The following FHIT variants were observed in gnomAD, a reference collection of about 807,000 sequenced individuals.
FHIT encodes bis(5'-adenosyl)-triphosphatase.
A neutral mutation model predicts 17.9 loss-of-function variants in FHIT; 19 were observed. The observed-to-expected ratio is 1.06, with a 90% CI of 0.74 to 1.56. FHIT has a LOEUF of 1.56. Among genes scored for constraint, FHIT ranks in the 40% most tolerant of loss-of-function variants. The pLI is 0.00. For missense variants in FHIT, 248 were observed against 189.2 expected (o/e 1.31, Z -1.82); for synonymous variants, 81 against 69.7 (o/e 1.16, Z -0.81).
intron 5 of FHIT, among the ~76,000 whole-genome samples, chr3:60,426,922 T>A (rs540741250): frequency 1.4e-4 from 21 of 152,210 alleles, no homozygotes; most frequent in African/African-American, 4.6e-4. Context: ...CCCTCTTAAG[T>A]ATGGGCAACA....
At chr3:59,975,131 T>C (rs1478993679) in intron 7 of FHIT, among the ~76,000 whole-genome samples, 1 of 152,182 alleles carries the variant, frequency 6.6e-6, no homozygotes, top group Non-Finnish European at 1.5e-5. Flanking sequence ...CCCAAGAAGC[T>C]AGGATACAGG....
rs74844760 is a variant in FHIT at position 60,203,875 on chromosome 3, T to C, written c.104-189723A>G. 3.6e-3 allele frequency among the ~76,000 whole-genome samples: 553 copies of C among 152,016 alleles called. 4 individuals are homozygous for C. The highest frequency in any genetic ancestry group is 0.011 in the African/African-American group (450 of 41,474). On this transcript the variant is annotated intron_variant, in intron 5 of 9. Coordinates refer to ENST00000492590, the MANE Select transcript of FHIT (RefSeq NM_002012.4). Reference sequence around the variant, plus strand: ...AACTTCGCATGTTCTCACTTATTAGTGGGAGCTAAAAATCAGAACAATTGA... The same window carrying C: ...AACTTCGCATGTTCTCACTTATTAGCGGGAGCTAAAAATCAGAACAATTGA...
chr3:60,415,912 A>G (rs1702230427), intron 5 of FHIT, among the ~76,000 whole-genome samples: 1 of 70,414 alleles, frequency 1.4e-5, no homozygotes, highest in Admixed American at 1.5e-4. Context: ...ATAATTATAT[A>G]TAACATATTA....
At chr3:60,769,611 G>A (rs1234119379) in intron 4 of FHIT, among the ~76,000 whole-genome samples, 1 of 152,152 alleles carries the variant, frequency 6.6e-6, no homozygotes. Flanking sequence ...CAAATTTATA[G>A]ACAAAAAAGG....
At position 60,014,102 on chromosome 3, in the gene FHIT, G is replaced by A. The variant is rs781222732; in HGVS notation, c.154C>T (p.Pro52Ser). 1 of 1,614,084 alleles carries A rather than the reference G, an allele frequency of 6.2e-7. No individual in the cohort carries two copies. The highest frequency in any genetic ancestry group is 1.1e-5 in the South Asian group (1 of 91,082). The change falls in exon 6 of 10, where the codon CCT becomes TCT. Residue 52 changes from proline (P) to serine (S), a missense_variant. Physicochemically the swap from Pro to Ser is moderately conservative, Grantham distance 74. Transcript: ENST00000492590. ...TGAAACAAATCGGCCACTTCATCAG[G>A]ACGCAGGTCATGGAAGCGCTCCACT... ...RPVERFHDLR[P>S]DEVADLFQTT... is the part of the protein sequence containing the mutation.
At chr3:60,188,161 G>C (rs549527603) in intron 5 of FHIT, among the ~76,000 whole-genome samples, 46 of 149,136 alleles carry the variant, frequency 3.1e-4, no homozygotes, top group African/African-American at 1.0e-3. Context: ...TTGAATGTCA[G>C]ACTCTAACAG....
intron 2 of FHIT, among the ~76,000 whole-genome samples, chr3:61,192,972 T>C (rs1156252565): frequency 6.6e-6 from 1 of 152,192 alleles, no homozygotes; most frequent in African/African-American, 2.4e-5. Flanking sequence ...CCCTTTCGCA[T>C]CTCAAAAACT....
At chr3:60,857,071 A>T (rs565460204) in intron 3 of FHIT, among the ~76,000 whole-genome samples, 5 of 152,238 alleles carry the variant, frequency 3.3e-5, no homozygotes, top group Middle Eastern at 3.4e-3. Context: ...TGTAAGATCC[A>T]TAAAGGCAAG....
chr3:60,895,657 CCTTCCTTCCTTTCTTTCTTTCTTT>C (rs1162155855), intron 3 of FHIT, among the ~76,000 whole-genome samples: 4 of 137,206 alleles, frequency 2.9e-5, no homozygotes, highest in African/African-American at 1.3e-4. Context: ...TTCCCTCCTT[CCTTCCTTCCTTTCTTTCTTTCTTT>C]CTTTCTTTCT....
At chr3:60,150,149 C>A (rs2107327331) in intron 5 of FHIT, among the ~76,000 whole-genome samples, 1 of 151,668 alleles carries the variant, frequency 6.6e-6, no homozygotes, top group African/African-American at 2.4e-5. Context: ...GGCATGCGCC[C>A]CCCACGCCCG....
At chr3:60,943,861 C>T (rs1708522699) in intron 3 of FHIT, among the ~76,000 whole-genome samples, 1 of 152,124 alleles carries the variant, frequency 6.6e-6, no homozygotes, top group African/African-American at 2.4e-5. Context: ...GATGGCTAAT[C>T]CACTACTACT....
At chr3:59,909,057 A>G (rs367697047) in intron 8 of FHIT, among the ~76,000 whole-genome samples, 1 of 151,554 alleles carries the variant, frequency 6.6e-6, no homozygotes. Context: ...TTTTTGAGAC[A>G]GAGTCTCGCT....
intron 4 of FHIT, among the ~76,000 whole-genome samples, chr3:60,572,692 A>G (rs1380240686): frequency 1.3e-5 from 2 of 152,166 alleles, no homozygotes; most frequent in East Asian, 3.8e-4. Context: ...ATAAAACAAA[A>G]AAATATATGG....
chr3:59,929,205 A>G (rs1219051422), intron 7 of FHIT, among the ~76,000 whole-genome samples: 1 of 151,822 alleles, frequency 6.6e-6, no homozygotes, highest in African/African-American at 2.4e-5. Flanking sequence ...CAAGTAGAGA[A>G]TGAATACAGA....
At chr3:61,174,874 C>T (rs142634828) in intron 2 of FHIT, among the ~76,000 whole-genome samples, 23 of 152,312 alleles carry the variant, frequency 1.5e-4, no homozygotes, top group African/African-American at 5.5e-4. Flanking sequence ...TCCAAACTGT[C>T]CTATTCATCA....
intron 5 of FHIT, among the ~76,000 whole-genome samples, chr3:60,380,620 G>T (rs1700758913): frequency 1.3e-5 from 2 of 152,284 alleles, no homozygotes; most frequent in South Asian, 4.1e-4. Flanking sequence ...AATGAGTACT[G>T]CTGTGAATAT....
chr3:60,927,798 T>C (rs1553770455), intron 3 of FHIT, among the ~76,000 whole-genome samples: 1 of 152,218 alleles, frequency 6.6e-6, no homozygotes, highest in Non-Finnish European at 1.5e-5. Flanking sequence ...CGCCAATCCA[T>C]CTGGGAGGTG....
chr3:60,727,157 T>C (rs782192166), intron 4 of FHIT, among the ~76,000 whole-genome samples: 4 of 152,162 alleles, frequency 2.6e-5, no homozygotes, highest in Non-Finnish European at 5.9e-5. Flanking sequence ...GAAAACAATT[T>C]CCCTTTCAGT....
intron 4 of FHIT, among the ~76,000 whole-genome samples, chr3:60,631,973 T>C (rs2039455370): frequency 6.6e-6 from 1 of 152,182 alleles, no homozygotes; most frequent in Non-Finnish European, 1.5e-5. Flanking sequence ...GATTTAGAGA[T>C]GGACGCAAGA....
Sources: allele counts gnomAD v4.1 joint callset (sites outside exome capture counted in the v4.1 genomes callset), GRCh38; gene constraint gnomAD v4.1.1; transcripts MANE v1.5; gene names NCBI Gene and HGNC (gene_info 2026-07-23, HGNC 2026-07-21).